RABGAP1L: variants seen among roughly 807,000 people sequenced by gnomAD.
RABGAP1L encodes RAB GTPase activating protein 1 like.
RABGAP1L carries 63 observed loss-of-function variants against 137.7 expected under a neutral mutation model. The ratio of observed to expected loss-of-function variants is 0.46; its 90% CI spans 0.37 to 0.56. The LOEUF (loss-of-function observed/expected upper bound fraction) is 0.56. RABGAP1L is among the 20% of genes least tolerant of loss of function. The probability of loss-of-function intolerance (pLI) is 0.00; values close to 1 mark genes in which losing one functional copy is unlikely to be tolerated. For missense variants in RABGAP1L, 1,095 were observed against 1,244.0 expected (o/e 0.88, Z 1.80); for synonymous variants, 431 against 433.7 (o/e 0.99, Z 0.08).
chr1:174,587,686 T>C (rs1669228258), intron 13 of RABGAP1L, among the ~76,000 whole-genome samples: 1 of 152,092 alleles, frequency 6.6e-6, no homozygotes, highest in African/African-American at 2.4e-5. Flanking sequence ...GTCAAGACAC[T>C]TTCCAAATAA....
chr1:174,774,921 G>A (rs902885509), intron 18 of RABGAP1L, among the ~76,000 whole-genome samples: 4 of 152,132 alleles, frequency 2.6e-5, no homozygotes, highest in African/African-American at 9.7e-5. Flanking sequence ...GCTTGAAAAA[G>A]ATGGTGTATT....
At chr1:174,435,597 T>C (rs1463648252) in intron 13 of RABGAP1L, among the ~76,000 whole-genome samples, 2 of 152,184 alleles carry the variant, frequency 1.3e-5, no homozygotes, top group Admixed American at 1.3e-4. Context: ...GGTTTATTTT[T>C]AGACTTTCTT....
chr1:174,258,422 C>T (rs895673305), intron 7 of RABGAP1L, among the ~76,000 whole-genome samples: 4 of 152,192 alleles, frequency 2.6e-5, no homozygotes, highest in African/African-American at 9.7e-5. Flanking sequence ...GGAGCTGAGA[C>T]TACAGGCACA....
rs1214575766 is a variant in RABGAP1L, at chr1:174,159,592, T to G, written c.-99T>G. 6.6e-6 allele frequency: 1 copy of G among 150,494 alleles called. No individual in the cohort carries two copies. Among genetic ancestry groups the G allele is most frequent in the Non-Finnish European group, 1.5e-5 (1 of 67,838 alleles). The allele number at this position is 150,494 out of a possible 1,614,324, so 9.3% of individuals were successfully genotyped here. On this transcript the variant is annotated 5_prime_UTR_variant, in exon 1 of 26. Transcript: ENST00000681986. ...ACCGGCCCGGCTTCAGAGCGCGAGG[T>G]GGAGGGTGGAACGCGGGCGCCTGAA... is the stretch of plus-strand genomic sequence containing the variant.
chr1:174,272,198 A>G (rs561728181), intron 7 of RABGAP1L, among the ~76,000 whole-genome samples: 171 of 152,098 alleles, frequency 1.1e-3, no homozygotes, highest in Middle Eastern at 3.4e-3. Context: ...AATATTTTAC[A>G]TGCAAATAAA....
In RABGAP1L at chr1:174,993,442, C is replaced by A. The variant is rs919025435; in HGVS notation, c.*3441C>A. The A allele has an allele frequency of 1.3e-5, 2 of 152,110 alleles. No homozygotes were observed. The highest frequency in any genetic ancestry group is 2.9e-5 in the Non-Finnish European group (2 of 68,004). The allele number at this position is 152,110 out of a possible 1,614,324, so 9.4% of individuals were successfully genotyped here. The stretch of plus-strand genomic sequence containing the variant: ...GTATTAATATTTATTTTTCTCCAAC[C>A]CCTGCTCCATTTTCTTAAAATATTT... On this transcript the variant is annotated 3_prime_UTR_variant, in exon 26 of 26. Coordinates refer to ENST00000681986, the MANE Select transcript of RABGAP1L (RefSeq NM_001366446.1).
chr1:174,908,494 A>G (rs1450826290), intron 19 of RABGAP1L, among the ~76,000 whole-genome samples: 1 of 152,124 alleles, frequency 6.6e-6, no homozygotes, highest in Non-Finnish European at 1.5e-5. Context: ...TGTAACATCA[A>G]AAATACACAA....
intron 13 of RABGAP1L, among the ~76,000 whole-genome samples, chr1:174,575,335 T>C (rs1434451175): frequency 6.6e-6 from 1 of 152,164 alleles, no homozygotes; most frequent in Middle Eastern, 3.2e-3. Flanking sequence ...ATCATTTCGG[T>C]TGTTGTTTTG....
At position 174,457,189 on chromosome 1, in the gene RABGAP1L, A is replaced by G. The variant is rs535510958; in HGVS notation, c.1710+63044A>G. 7.2e-5 allele frequency among the ~76,000 whole-genome samples: 11 copies of G among 152,316 alleles called. No homozygotes were observed. In the South Asian group the frequency reaches 2.1e-3, roughly 29 times the overall value. On this transcript the variant is annotated intron_variant, in intron 13 of 25. Coordinates refer to ENST00000681986, the MANE Select transcript of RABGAP1L (RefSeq NM_001366446.1). Reference sequence around the variant, plus strand: ...ATATTTAGCCATGTGTTTGGATGCTATAGTTCTAAAGGATACCACAGGATA... The same window carrying G: ...ATATTTAGCCATGTGTTTGGATGCTGTAGTTCTAAAGGATACCACAGGATA...
chr1:174,726,332 C>T (rs1340682080), intron 17 of RABGAP1L, among the ~76,000 whole-genome samples: 1 of 151,816 alleles, frequency 6.6e-6, no homozygotes. Context: ...GTCTCAAAGT[C>T]CTGGGTTTAT....
chr1:174,498,737 G>A (rs1044259671), intron 13 of RABGAP1L, among the ~76,000 whole-genome samples: 24 of 148,650 alleles, frequency 1.6e-4, no homozygotes, highest in African/African-American at 5.0e-4. Context: ...TCTTGAACTC[G>A]CGACCTCAAG....
chr1:174,293,101 T>A (rs989529356), intron 10 of RABGAP1L, among the ~76,000 whole-genome samples: 7 of 130,646 alleles, frequency 5.4e-5, no homozygotes, highest in Non-Finnish European at 1.1e-4. Context: ...AATCTAACAC[T>A]AAAATTAGGA....
chr1:174,195,616 T>TCTTCCTTCCTTCCTTC (rs1206660580), intron 1 of RABGAP1L, among the ~76,000 whole-genome samples: 114 of 57,662 alleles, frequency 2.0e-3, no homozygotes, highest in Admixed American at 7.2e-3. Context: ...TTTCTTTCTT[T>TCTTCCTTCCTTCCTTC]CTTCCTTCCT....
At chr1:174,562,484 A>T (rs1667286701) in intron 13 of RABGAP1L, among the ~76,000 whole-genome samples, 1 of 152,176 alleles carries the variant, frequency 6.6e-6, no homozygotes, top group Non-Finnish European at 1.5e-5. Context: ...ATACCATTTG[A>T]TCCAGCAATC....
chr1:174,900,526 A>T (rs1044709164), intron 19 of RABGAP1L, among the ~76,000 whole-genome samples: 2 of 152,184 alleles, frequency 1.3e-5, no homozygotes, highest in African/African-American at 4.8e-5. Context: ...TGGAGTTGCA[A>T]AGCCATTCAC....
At chr1:174,289,932 T>C (rs973449444) in intron 10 of RABGAP1L, among the ~76,000 whole-genome samples, 14 of 152,160 alleles carry the variant, frequency 9.2e-5, no homozygotes, top group African/African-American at 2.9e-4. Context: ...GGGATACTGA[T>C]TGGACTCCCT....
chr1:174,634,976 A>G (rs1270995464), intron 13 of RABGAP1L, among the ~76,000 whole-genome samples: 2 of 150,344 alleles, frequency 1.3e-5, no homozygotes, highest in Non-Finnish European at 3.0e-5. Context: ...TGGCACATGT[A>G]TACATATGTA....
chr1:174,762,987 G>A (rs1685354162), intron 18 of RABGAP1L, among the ~76,000 whole-genome samples: 1 of 151,460 alleles, frequency 6.6e-6, no homozygotes, highest in Admixed American at 6.6e-5. Flanking sequence ...GCTAATTTTT[G>A]TATTTTTGGT....
chr1:174,668,971 T>C (rs1676979922), intron 14 of RABGAP1L, among the ~76,000 whole-genome samples: 1 of 152,206 alleles, frequency 6.6e-6, no homozygotes, highest in Non-Finnish European at 1.5e-5. Flanking sequence ...TTGCTATTGA[T>C]TTGAGTTCCT....
Sources: allele counts gnomAD v4.1 joint callset (sites outside exome capture counted in the v4.1 genomes callset), GRCh38; gene constraint gnomAD v4.1.1; transcripts MANE v1.5; gene names NCBI Gene and HGNC (gene_info 2026-07-23, HGNC 2026-07-21).